Variants in SRD5A2 observed in about 807,000 individuals in gnomAD.
SRD5A2 encodes 3-oxo-5-alpha-steroid 4-dehydrogenase 2.
Under a neutral mutation model 27.4 loss-of-function variants are expected in SRD5A2, and 30 were observed. The observed-to-expected ratio is 1.10, with a 90% confidence interval of 0.82 to 1.49. The LOEUF (loss-of-function observed/expected upper bound fraction) is 1.49. Ranked by LOEUF, SRD5A2 falls within the 40% of genes most tolerant of loss-of-function variation. The pLI, the probability that SRD5A2 is intolerant of heterozygous loss-of-function variation, is 0.00. For synonymous variants in SRD5A2, 141 were observed against 133.6 expected (o/e 1.06, Z -0.38); for missense variants, 348 against 323.4 (o/e 1.08, Z -0.58).
the SRD5A2 span, among the ~76,000 whole-genome samples, chr2:31,629,620 C>G: frequency 6.6e-6 from 1 of 152,108 alleles, no homozygotes; most frequent in Admixed American, 6.6e-5. Flanking sequence ...CCAGCTTCCA[C>G]TTTCAATTTT....
the SRD5A2 span, among the ~76,000 whole-genome samples, chr2:31,647,740 T>C: frequency 6.6e-6 from 1 of 152,242 alleles, no homozygotes; most frequent in Admixed American, 6.5e-5. Context: ...TAAATGTGTA[T>C]GTTACACAAA....
intron 1 of SRD5A2, among the ~76,000 whole-genome samples, chr2:31,548,549 C>A (rs1666312024): frequency 6.6e-6 from 1 of 152,026 alleles, no homozygotes. Context: ...CCAACCAAAC[C>A]AATTAAGATG....
upstream of SRD5A2, among the ~76,000 whole-genome samples, chr2:31,582,794 AC>A (rs1416614926): frequency 6.6e-6 from 1 of 152,102 alleles, no homozygotes; most frequent in Non-Finnish European, 1.5e-5. Flanking sequence ...CCTGAGTGTT[AC>A]CTCTTCCCTG....
chr2:31,564,585 C>A (rs1181705162), intron 1 of SRD5A2, among the ~76,000 whole-genome samples: 1 of 151,666 alleles, frequency 6.6e-6, no homozygotes, highest in African/African-American at 2.4e-5. Context: ...ATAAATACAC[C>A]AAGGAATATA....
chr2:31,548,390 TCAA>T (rs752714153), intron 1 of SRD5A2, among the ~76,000 whole-genome samples: 1 of 151,924 alleles, frequency 6.6e-6, no homozygotes, highest in Admixed American at 6.6e-5. Flanking sequence ...CTCCTAAAAC[TCAA>T]CAACAACAAC....
upstream of SRD5A2, among the ~76,000 whole-genome samples, chr2:31,585,124 G>A (rs1169037287): frequency 1.3e-5 from 2 of 152,124 alleles, no homozygotes; most frequent in Non-Finnish European, 2.9e-5. Flanking sequence ...CAGCCAAAGG[G>A]GAATCACTAA....
At chr2:31,551,110 G>C (rs2148078703) in intron 1 of SRD5A2, among the ~76,000 whole-genome samples, 1 of 152,086 alleles carries the variant, frequency 6.6e-6, no homozygotes, top group East Asian at 1.9e-4. Flanking sequence ...AATTTACGAT[G>C]ACCCCAAAAC....
Position 31,524,978 on chromosome 2 carries a change from A to T in SRD5A2, c.*1218T>A, listed in dbSNP as rs771923168. ...GTATGTTCAGATCCTCCAACTTTTT[A>T]AATGAAACTAGAATGCTAGAGTTTT... On this transcript the variant is annotated 3_prime_UTR_variant, in exon 5 of 5. Transcript: ENST00000622030. 1.4e-5 allele frequency: 3 copies of T among 221,184 alleles called. No individual in the cohort carries two copies. In the East Asian group the frequency reaches 2.0e-4, roughly 15 times the overall value. 13.7% of individuals were successfully genotyped at this position (221,184 alleles called of 1,614,324 possible).
intron 1 of SRD5A2, among the ~76,000 whole-genome samples, chr2:31,568,415 G>C (rs190581849): frequency 3.3e-5 from 5 of 152,350 alleles, no homozygotes; most frequent in East Asian, 1.9e-4. Context: ...GTGAGTGACA[G>C]AGAGGCTCTC....
the SRD5A2 span, among the ~76,000 whole-genome samples, chr2:31,608,861 G>C: frequency 1.7e-4 from 26 of 151,964 alleles, no homozygotes; most frequent in Non-Finnish European, 5.9e-5. Context: ...ACTAAATTAC[G>C]TTCTACCAAA....
intron 1 of SRD5A2, 97 bp downstream of exon 1, chr2:31,580,523 T>C: frequency 7.2e-7 from 1 of 1,380,366 alleles, no homozygotes. Flanking sequence ...CCACGCTGCC[T>C]CCTTGGCGTT....
chr2:31,652,679 T>TA, the SRD5A2 span, among the ~76,000 whole-genome samples: 1 of 152,038 alleles, frequency 6.6e-6, no homozygotes, highest in Non-Finnish European at 1.5e-5. Flanking sequence ...AAGATGAAGC[T>TA]AAAAAAGCAC....
chr2:31,623,108 CG>C, the SRD5A2 span, among the ~76,000 whole-genome samples: 1 of 152,038 alleles, frequency 6.6e-6, no homozygotes, highest in African/African-American at 2.4e-5. Context: ...TCAAAGCTCT[CG>C]TCTCCTTTGC....
the SRD5A2 span, among the ~76,000 whole-genome samples, chr2:31,592,736 T>A: frequency 1.3e-5 from 2 of 152,132 alleles, no homozygotes; most frequent in Non-Finnish European, 2.9e-5. Flanking sequence ...ACTGACATAG[T>A]CTACTTAAAT....
chr2:31,630,373 G>C, the SRD5A2 span, among the ~76,000 whole-genome samples: 1 of 152,106 alleles, frequency 6.6e-6, no homozygotes, highest in Non-Finnish European at 1.5e-5. Context: ...GATAGAAGTA[G>C]TAAAGAAAAA....
At chr2:31,584,380 CAAGT>C (rs1667142950), upstream of SRD5A2, among the ~76,000 whole-genome samples, 1 of 152,192 alleles carries the variant, frequency 6.6e-6, no homozygotes. Context: ...TAAATCCAGA[CAAGT>C]AAGAATATAG....
In SRD5A2 at chr2:31,560,502, G is replaced by A. The variant is rs575272264; in HGVS notation, c.281+20118C>T. ...AATAAGCCCTTGTTATTTGAGAACC[G>A]GCACCTGATTTCAGGCTCCTGGCCT... On this transcript the variant is annotated intron_variant, in intron 1 of 4. Transcript: ENST00000622030. 6.6e-5 allele frequency among the ~76,000 whole-genome samples: 10 copies of A among 152,206 alleles called. No individual in the cohort carries two copies. The East Asian group carries it at 9.7e-4, about 15-fold the overall frequency.
intron 1 of SRD5A2, among the ~76,000 whole-genome samples, chr2:31,560,636 C>T (rs1666603520): frequency 1.3e-5 from 2 of 152,104 alleles, no homozygotes; most frequent in African/African-American, 4.8e-5. Flanking sequence ...TTCTCCTTTC[C>T]CAGCTTTTCT....
At position 31,523,058 on chromosome 2, in the gene SRD5A2, C is replaced by T. The variant is rs773577621; in HGVS notation, c.*3138G>A. 2.2e-4 allele frequency: 49 copies of T among 217,906 alleles called. No individual in the cohort carries two copies. The highest frequency in any genetic ancestry group is 3.9e-4 in the Non-Finnish European group (42 of 108,484). The allele number at this position is 217,906 out of a possible 1,614,324, so 13.5% of individuals were successfully genotyped here. A position where few individuals can be genotyped will look rare whatever the true frequency, so the allele number is the denominator to read the frequency against. ...TTTAATTGCGTATTTCTCATTAGAGCTCCTTTTTCCTTTTAGAATACAGTG... is the reference window on the plus strand; with the variant it reads ...TTTAATTGCGTATTTCTCATTAGAGTTCCTTTTTCCTTTTAGAATACAGTG... On this transcript the variant is annotated 3_prime_UTR_variant, in exon 5 of 5. Transcript: ENST00000622030.
Sources: gnomAD v4.1 joint callset for allele counts (sites outside exome capture counted in the v4.1 genomes callset) on GRCh38, gnomAD v4.1.1 for gene constraint, MANE v1.5 for transcripts, NCBI Gene and HGNC (gene_info 2026-07-23, HGNC 2026-07-21) for gene names.